The following MACROD2 variants were observed in gnomAD, a reference collection of about 807,000 sequenced individuals.
The protein encoded by MACROD2 is ADP-ribose glycohydrolase MACROD2.
Under a neutral mutation model 70.4 loss-of-function variants are expected in MACROD2, and 36 were observed. The ratio of observed to expected loss-of-function variants is 0.51; its 90% CI spans 0.39 to 0.68. The LOEUF is 0.68. Among genes scored for constraint, MACROD2 ranks in the 30% least tolerant of loss-of-function variants. MACROD2 has a pLI of 0.00. For missense variants in MACROD2, 496 were observed against 538.4 expected (o/e 0.92, Z 0.78); for synonymous variants, 172 against 178.8 (o/e 0.96, Z 0.30).
chr20:14,914,240 G>C (rs948429835), intron 5 of MACROD2, among the ~76,000 whole-genome samples: 11 of 152,166 alleles, frequency 7.2e-5, no homozygotes, highest in African/African-American at 2.4e-4. Context: ...ACAGAGTGGA[G>C]GACAGCATTG....
At chr20:14,417,011 C>A (rs2083812896) in intron 3 of MACROD2, among the ~76,000 whole-genome samples, 1 of 151,988 alleles carries the variant, frequency 6.6e-6, no homozygotes. Context: ...ACACAGACAC[C>A]ACACACACAC....
intron 5 of MACROD2, among the ~76,000 whole-genome samples, chr20:14,910,001 C>G (rs201170662): frequency 6.6e-6 from 1 of 152,168 alleles, no homozygotes; most frequent in Admixed American, 6.5e-5. Flanking sequence ...CTTTGGAATT[C>G]TAGCCATATC....
chr20:14,159,020 T>G (rs573470809), intron 3 of MACROD2, among the ~76,000 whole-genome samples: 83 of 152,304 alleles, frequency 5.4e-4, no homozygotes, highest in African/African-American at 1.9e-3. Context: ...GTGGATTGCC[T>G]GAGGTCAGGA....
intron 8 of MACROD2, among the ~76,000 whole-genome samples, chr20:15,819,753 C>G (rs1027766522): frequency 6.6e-6 from 1 of 151,704 alleles, no homozygotes. Flanking sequence ...ATAAAGCTAT[C>G]CAGGGGTTGG....
chr20:14,121,137 A>G (rs1179921096), intron 3 of MACROD2, among the ~76,000 whole-genome samples: 1 of 152,188 alleles, frequency 6.6e-6, no homozygotes, highest in African/African-American at 2.4e-5. Flanking sequence ...AATTGGAAGC[A>G]TGGAAATGAG....
intron 8 of MACROD2, among the ~76,000 whole-genome samples, chr20:15,763,276 A>G (rs1406550473): frequency 6.6e-6 from 1 of 152,244 alleles, no homozygotes; most frequent in African/African-American, 2.4e-5. Flanking sequence ...GCTCAGTGGC[A>G]GAACCACCCG....
intron 3 of MACROD2, among the ~76,000 whole-genome samples, chr20:14,102,568 A>G (rs1388621008): frequency 1.3e-5 from 2 of 152,170 alleles, no homozygotes; most frequent in African/African-American, 2.4e-5. Context: ...CCCAATTTCC[A>G]TTCAAACTAA....
At chr20:14,044,254 G>T (rs545356257) in intron 2 of MACROD2, among the ~76,000 whole-genome samples, 7 of 151,428 alleles carry the variant, frequency 4.6e-5, no homozygotes, top group Admixed American at 4.6e-4. Context: ...GGAGTTGTTT[G>T]TTCCTCCTGG....
chr20:15,081,793 A>G (rs1007950067), intron 5 of MACROD2, among the ~76,000 whole-genome samples: 3 of 152,182 alleles, frequency 2.0e-5, no homozygotes, highest in African/African-American at 7.2e-5. Flanking sequence ...ATCAGGAATT[A>G]AAATTTTTTG....
chr20:15,604,942 T>C (rs749971650), intron 8 of MACROD2, among the ~76,000 whole-genome samples: 3 of 152,214 alleles, frequency 2.0e-5, no homozygotes, highest in Non-Finnish European at 2.9e-5. Flanking sequence ...CCTTTACAAT[T>C]TCTCACCCAA....
intron 2 of MACROD2, chr20:14,053,513 T>A (rs2053596060): frequency 6.6e-6 from 1 of 152,122 alleles, no homozygotes; most frequent in Admixed American, 6.6e-5. Context: ...TACTTTTGCT[T>A]CCATTTCATC....
chr20:14,082,177 C>CTTTTTTTTTTTTTTTTTTTTTTT (rs66918191), intron 2 of MACROD2, among the ~76,000 whole-genome samples: 2 of 93,172 alleles, frequency 2.1e-5, no homozygotes, highest in Non-Finnish European at 3.8e-5. Flanking sequence ...CTTTTTTTTT[C>CTTTTTTTTTTTTTTTTTTTTTTT]TTTTTTTTTT....
chr20:15,165,779 A>G (rs1354554312), intron 5 of MACROD2, among the ~76,000 whole-genome samples: 1 of 152,218 alleles, frequency 6.6e-6, no homozygotes, highest in Non-Finnish European at 1.5e-5. Flanking sequence ...AGTGCAAGAA[A>G]TGAAAAGTGT....
intron 6 of MACROD2, among the ~76,000 whole-genome samples, chr20:15,405,798 A>T (rs1427960889): frequency 6.6e-6 from 1 of 152,118 alleles, no homozygotes; most frequent in Non-Finnish European, 1.5e-5. Flanking sequence ...CTCCTTTGCA[A>T]CAGCTTTTAC....
chr20:15,497,076 C>T lies in MACROD2; in HGVS notation c.572-2698C>T, dbSNP rs775306598. 3.9e-5 allele frequency among the ~76,000 whole-genome samples: 6 copies of T among 152,144 alleles called. No homozygotes were observed. The East Asian group carries it at 9.7e-4, about 25-fold the overall frequency. ...CAACAGGGGAGTCCGTCAAACATGG[C>T]GGTAACTAGGAGAGAGGTAAAGCCA... is the stretch of plus-strand genomic sequence containing the variant. On this transcript the variant is annotated intron_variant, in intron 7 of 17. Coordinates refer to ENST00000684519, the MANE Select transcript of MACROD2 (RefSeq NM_001351661.2).
At chr20:14,614,503 G>A (rs1414769505) in intron 4 of MACROD2, among the ~76,000 whole-genome samples, 1 of 152,062 alleles carries the variant, frequency 6.6e-6, no homozygotes, top group African/African-American at 2.4e-5. Flanking sequence ...CGTTGGGAAC[G>A]ATGGCCGTAA....
At chr20:14,031,085 G>T (rs1172140892) in intron 2 of MACROD2, among the ~76,000 whole-genome samples, 1 of 152,160 alleles carries the variant, frequency 6.6e-6, no homozygotes, top group Non-Finnish European at 1.5e-5. Flanking sequence ...AACAGCTCTA[G>T]CCTGGGATTT....
Position 14,165,876 on chromosome 20 carries a change from T to C in MACROD2, c.271+80148T>C, listed in dbSNP as rs73257123. Among the ~76,000 whole-genome samples the C allele has an allele frequency of 4.2e-3, 647 of 152,328 alleles. 7 individuals are homozygous for C. Among genetic ancestry groups the C allele is most frequent in the African/African-American group, 0.015 (613 of 41,570 alleles). On this transcript the variant is annotated intron_variant, in intron 3 of 17. Coordinates refer to ENST00000684519, the MANE Select transcript of MACROD2 (RefSeq NM_001351661.2). Reference sequence around the variant, plus strand: ...TTTGGCCTTTTCAGGAACCTATCTCTACTAGGTAAGTCCTCACTAGGGCAT... The same window carrying C: ...TTTGGCCTTTTCAGGAACCTATCTCCACTAGGTAAGTCCTCACTAGGGCAT...
intron 8 of MACROD2, among the ~76,000 whole-genome samples, chr20:15,755,428 C>T (rs1408323391): frequency 6.6e-6 from 1 of 152,138 alleles, no homozygotes; most frequent in East Asian, 1.9e-4. Context: ...TAAAGAGAAG[C>T]TTGTTGGGTA....
Sources: gnomAD v4.1 joint callset for allele counts (sites outside exome capture counted in the v4.1 genomes callset) on GRCh38, gnomAD v4.1.1 for gene constraint, MANE v1.5 for transcripts, NCBI Gene and HGNC (gene_info 2026-07-23, HGNC 2026-07-21) for gene names.